The following LDB1 variants were observed in gnomAD, a reference collection of about 807,000 sequenced individuals.
LDB1 encodes LIM domain binding 1, also known as LIM domain-binding protein 1.
In LDB1, 6 loss-of-function variants were observed where a neutral mutation model predicts 49.7. That is an observed-to-expected ratio of 0.12 (90% CI 0.07 to 0.24). The LOEUF is 0.24. LDB1 is among the 10% of genes least tolerant of loss of function. The probability of loss-of-function intolerance (pLI) is 1.00; values close to 1 mark genes in which losing one functional copy is unlikely to be tolerated. For missense variants in LDB1, 341 were observed against 561.7 expected (o/e 0.61, Z 3.97); for synonymous variants, 233 against 202.0 (o/e 1.15, Z -1.30).
At chr10:102,111,330 G>A (rs759330395) in intron 2 of LDB1, 30 bp from the exon 3 acceptor site, 2 of 1,612,286 alleles carry the variant, frequency 1.2e-6, no homozygotes, top group Non-Finnish European at 1.7e-6. Context: ...ATGAGAATGG[G>A]GGTTGAAGAT....
Position 102,109,907 on chromosome 10 carries a change from TG to T in LDB1, c.648+13del, listed in dbSNP as rs1415084538. ...GCCTTCACTCTTGCATCCTGGGTCC[TG>T]CCCACGACTCACATGCATGGCAAGG... is the stretch of plus-strand genomic sequence containing the variant. On this transcript the variant is annotated intron_variant, in intron 7 of 10. Coordinates refer to ENST00000673968, the MANE Select transcript of LDB1 (RefSeq NM_001113407.3). This position sits in a 1 kb window ranked among gnomAD's most constrained non-coding sequence, Gnocchi z 5.8. 1 of 1,605,866 alleles carries T rather than the reference TG, an allele frequency of 6.2e-7. No individual in the cohort carries two copies. The highest frequency in any genetic ancestry group is 1.1e-5 in the South Asian group (1 of 90,974).
At chr10:102,114,334 G>A in intron 1 of LDB1, 4 of 985,994 alleles carry the variant, frequency 4.1e-6, no homozygotes, top group Non-Finnish European at 4.8e-6. Context: ...CCCCCAGCCC[G>A]CAGATCAGGC....
upstream of LDB1, chr10:102,120,388 C>T (rs1232780283): frequency 3.0e-6 from 3 of 984,152 alleles, no homozygotes; most frequent in South Asian, 4.7e-5. Flanking sequence ...TGCGTGTGTG[C>T]GCGTGTGCGT....
intron 1 of LDB1, among the ~76,000 whole-genome samples, chr10:102,112,823 G>T (rs1188126611): frequency 6.6e-6 from 1 of 152,162 alleles, no homozygotes; most frequent in Non-Finnish European, 1.5e-5. Context: ...GTGTATCTGT[G>T]ATGTGCACAT....
At chr10:102,120,613 G>A (rs1449552736), upstream of LDB1, among the ~76,000 whole-genome samples, 1 of 151,966 alleles carries the variant, frequency 6.6e-6, no homozygotes, top group African/African-American at 2.4e-5. Context: ...GCCGCGCGGC[G>A]GGCGGGCGGC....
In LDB1 at chr10:102,109,253, T is replaced by G. The variant is rs1302198800; in HGVS notation, c.857-76A>C. The G allele has an allele frequency of 3.1e-6, 5 of 1,608,092 alleles. No individual in the cohort carries two copies. The Admixed American group carries it at 5.0e-5, about 16-fold the overall frequency. On this transcript the variant is annotated intron_variant, in intron 9 of 10. Transcript: ENST00000673968. This position sits in a 1 kb window ranked among gnomAD's most constrained non-coding sequence, Gnocchi z 5.8. ...TCTCCATTGTGGCTCCCAAGGAGCA[T>G]GAGCCTGCCCTGATCCCAATTTTGT... is the stretch of plus-strand genomic sequence containing the variant.
intron 1 of LDB1, chr10:102,114,501 A>G: frequency 1.0e-6 from 1 of 986,378 alleles, no homozygotes; most frequent in Non-Finnish European, 1.2e-6. Context: ...GGACAACTTC[A>G]GCAGCTCATG....
At chr10:102,120,502 A>T, upstream of LDB1, 1 of 493,780 alleles carries the variant, frequency 2.0e-6, no homozygotes, top group Non-Finnish European at 2.6e-6. Context: ...CAAGCCGGGC[A>T]GGGCCGGGCT....
intron 5 of LDB1, 64 bp downstream of exon 5, chr10:102,110,805 T>C (rs2068241307): frequency 6.3e-7 from 1 of 1,584,196 alleles, no homozygotes; most frequent in Non-Finnish European, 8.7e-7. Flanking sequence ...CCAGACCCAC[T>C]TCTAGACCTT....
downstream of LDB1, among the ~76,000 whole-genome samples, chr10:102,105,628 C>T (rs1267467966): frequency 6.6e-6 from 1 of 151,612 alleles, no homozygotes; most frequent in African/African-American, 2.4e-5. Flanking sequence ...TCTCTTAATC[C>T]CCCACCCAGG....
In LDB1 at chr10:102,109,966, G is replaced by T; in HGVS notation, c.603C>A (p.Ile201=). The T allele has an allele frequency of 6.2e-7, 1 of 1,612,100 alleles. No homozygotes were observed. Among genetic ancestry groups the T allele is most frequent in the South Asian group, 1.1e-5 (1 of 91,016 alleles). ...GGGGGATGAGCTCTCGGTGCTGCCGGATGCTGAAGTGCCACGTCTTTATCC... is the reference window on the plus strand; with the variant it reads ...GGGGGATGAGCTCTCGGTGCTGCCGTATGCTGAAGTGCCACGTCTTTATCC... ...MMRIKTWHFS[I]RQHRELIPRS... Residue 201 remains isoleucine, a synonymous_variant, in exon 7 of 11, where the codon ATC becomes ATA. Coordinates refer to ENST00000673968, the MANE Select transcript of LDB1 (RefSeq NM_001113407.3). This position sits in a 1 kb window ranked among gnomAD's most constrained non-coding sequence, Gnocchi z 5.8.
At chr10:102,103,154 C>T (rs550091636), downstream of LDB1, among the ~76,000 whole-genome samples, 1 of 152,030 alleles carries the variant, frequency 6.6e-6, no homozygotes, top group East Asian at 1.9e-4. Flanking sequence ...CTCGGCCTCC[C>T]GAGTAGCTGG....
upstream of LDB1, among the ~76,000 whole-genome samples, chr10:102,121,436 A>G: frequency 6.6e-6 from 1 of 151,942 alleles, no homozygotes; most frequent in East Asian, 1.9e-4. Flanking sequence ...TGGATGGGAG[A>G]TGATGTGGAT....
At position 102,109,948 on chromosome 10, in the gene LDB1, G is replaced by A; in HGVS notation, c.621C>T (p.Leu207=). The part of the protein sequence containing the change: ...WHFSIRQHRE[L]IPRSILAMHA... Reference sequence around the variant, plus strand: ...GCATGGCAAGGATGCTGCGGGGGATGAGCTCTCGGTGCTGCCGGATGCTGA... The same window carrying A: ...GCATGGCAAGGATGCTGCGGGGGATAAGCTCTCGGTGCTGCCGGATGCTGA... The change falls in exon 7 of 11, where the codon CTC becomes CTT. Residue 207 remains leucine (L), a synonymous_variant. Transcript: ENST00000673968. The surrounding 1 kb of genome is among the most constrained non-coding windows in gnomAD (Gnocchi z 5.8). 1.2e-6 allele frequency: 2 copies of A among 1,610,850 alleles called. No homozygotes were observed. The highest frequency in any genetic ancestry group is 1.7e-6 in the Non-Finnish European group (2 of 1,179,856).
upstream of LDB1, among the ~76,000 whole-genome samples, chr10:102,120,767 GCCGGATGGGGAGT>G (rs1204898885): frequency 6.6e-6 from 1 of 152,174 alleles, no homozygotes; most frequent in Non-Finnish European, 1.5e-5. Context: ...TCCGGGTGCC[GCCGGATGGGGAGT>G]CTGGCTGAGC....
At chr10:102,112,945 T>C (rs748494687) in intron 1 of LDB1, among the ~76,000 whole-genome samples, 1 of 152,088 alleles carries the variant, frequency 6.6e-6, no homozygotes, top group Non-Finnish European at 1.5e-5. Flanking sequence ...TGCAACTCTG[T>C]TTCCCCTTCT....
At chr10:102,103,229 T>C (rs140446873), downstream of LDB1, among the ~76,000 whole-genome samples, 3 of 152,066 alleles carry the variant, frequency 2.0e-5, no homozygotes, top group Non-Finnish European at 4.4e-5. Context: ...GGTTTCACCA[T>C]GTTGGCCAGA....
intron 1 of LDB1, 30 bp downstream of exon 1, chr10:102,120,056 A>C (rs1271740618): frequency 1.4e-6 from 2 of 1,424,528 alleles, no homozygotes; most frequent in Admixed American, 5.1e-5. Context: ...CTGGGCAGGA[A>C]GGGGCCGAGT....
At chr10:102,114,911 C>A in intron 1 of LDB1, 1 of 911,614 alleles carries the variant, frequency 1.1e-6, no homozygotes, top group Non-Finnish European at 1.3e-6. Flanking sequence ...CACTCAAACA[C>A]ACACGCAGCG....
Sources: allele counts gnomAD v4.1 joint callset (sites outside exome capture counted in the v4.1 genomes callset), GRCh38; gene constraint gnomAD v4.1.1; non-coding constraint Gnocchi (gnomAD v3.1); transcripts MANE v1.5; gene names NCBI Gene and HGNC (gene_info 2026-07-23, HGNC 2026-07-21).